Variants in ZNF516 observed in about 807,000 individuals in gnomAD.
ZNF516 encodes the protein zinc finger protein 516.
ZNF516 carries 19 observed loss-of-function variants against 79.7 expected under a neutral mutation model. That is an observed-to-expected ratio of 0.24 (90% CI 0.17 to 0.35). ZNF516 has a LOEUF of 0.35. Ranked by LOEUF, ZNF516 falls within the 10% of genes least tolerant of loss-of-function variation. The probability of loss-of-function intolerance (pLI) is 1.00; values close to 1 mark genes in which losing one functional copy is unlikely to be tolerated. For missense variants in ZNF516, 1,678 were observed against 1,679.5 expected (o/e 1.00, Z 0.02); for synonymous variants, 877 against 739.5 (o/e 1.19, Z -3.02).
At chr18:76,458,673 G>A (rs901130299) in intron 2 of ZNF516, among the ~76,000 whole-genome samples, 2 of 146,354 alleles carry the variant, frequency 1.4e-5, no homozygotes, top group Non-Finnish European at 3.0e-5. Flanking sequence ...CCTCACCGTC[G>A]TGTGTGCGTG....
chr18:76,369,789 A>G (rs1568231121), intron 6 of ZNF516, among the ~76,000 whole-genome samples: 1 of 152,226 alleles, frequency 6.6e-6, no homozygotes, highest in East Asian at 1.9e-4. Context: ...GAAAGCCAGA[A>G]TGTTACTTAG....
chr18:76,473,986 T>G (rs1432111033), intron 1 of ZNF516, among the ~76,000 whole-genome samples: 1 of 144,264 alleles, frequency 6.9e-6, no homozygotes, highest in Non-Finnish European at 1.5e-5. Flanking sequence ...GCTCAAGCAA[T>G]CCTCCTGCCT....
intron 3 of ZNF516, among the ~76,000 whole-genome samples, chr18:76,420,026 C>T (rs2075485585): frequency 6.6e-6 from 1 of 152,264 alleles, no homozygotes; most frequent in Non-Finnish European, 1.5e-5. Flanking sequence ...GAGGGAGCGA[C>T]TCCAGGTACC....
intron 4 of ZNF516, among the ~76,000 whole-genome samples, chr18:76,376,533 CAAAAA>C (rs10708911): frequency 7.5e-6 from 1 of 132,812 alleles, no homozygotes; most frequent in Admixed American, 7.3e-5. Context: ...CTCTCTCTTT[CAAAAA>C]AAAAAAAAAA....
At chr18:76,488,526 G>A (rs1914967638) in intron 1 of ZNF516, among the ~76,000 whole-genome samples, 1 of 141,972 alleles carries the variant, frequency 7.0e-6, no homozygotes, top group African/African-American at 3.1e-5. Flanking sequence ...ACTTTTGAGG[G>A]GGAGGGGGAG....
chr18:76,373,017 A>G (rs1426306), intron 4 of ZNF516: 77,003 of 152,296 alleles, frequency 0.51, 22,590 homozygotes, highest in East Asian at 0.67. Context: ...CAGGCGAGTG[A>G]TGCATGCCTA....
intron 3 of ZNF516, among the ~76,000 whole-genome samples, chr18:76,392,808 GGGAAAGGCAGGTAGTCAGGTGGGAAGCC>G (rs1242074398): frequency 7.7e-5 from 7 of 90,916 alleles, no homozygotes; most frequent in African/African-American, 4.8e-4. Context: ...GGCCAGGTGG[GGGAAAGGCAGGTAGTCAGGTGGGAAGCC>G]GGGAAGGCAG....
At chr18:76,481,807 A>T (rs3866685) in intron 1 of ZNF516, among the ~76,000 whole-genome samples, 6 of 152,094 alleles carry the variant, frequency 3.9e-5, no homozygotes, top group Admixed American at 1.3e-4. Flanking sequence ...ATTCAAGTTC[A>T]TAAGTCATTA....
At chr18:76,380,841 C>T (rs1024193065) in intron 3 of ZNF516, among the ~76,000 whole-genome samples, 2 of 152,202 alleles carry the variant, frequency 1.3e-5, no homozygotes, top group Non-Finnish European at 2.9e-5. Context: ...GGCTACCGAC[C>T]ACCTTCCGCC....
chr18:76,433,834 A>T (rs1489171099), intron 3 of ZNF516, among the ~76,000 whole-genome samples: 1 of 152,190 alleles, frequency 6.6e-6, no homozygotes, highest in Admixed American at 6.5e-5. Flanking sequence ...CAGAATCATC[A>T]GTCGGAATGA....
intron 2 of ZNF516, among the ~76,000 whole-genome samples, chr18:76,453,371 G>A (rs1226674246): frequency 6.6e-6 from 1 of 152,138 alleles, no homozygotes; most frequent in Non-Finnish European, 1.5e-5. Flanking sequence ...TGTGGTCACT[G>A]AGGGGCCGCT....
intron 3 of ZNF516, among the ~76,000 whole-genome samples, chr18:76,440,742 T>TTGTGTGTGTGTGTGTG (rs138856557): frequency 1.4e-4 from 21 of 150,050 alleles, no homozygotes; most frequent in African/African-American, 3.7e-4. Context: ...GTGTGTGTGT[T>TTGTGTGTGTGTGTGTG]TGTGTGTGTG....
chr18:76,363,397 G>A (rs1325774788), intron 6 of ZNF516, among the ~76,000 whole-genome samples: 1 of 152,182 alleles, frequency 6.6e-6, no homozygotes. Flanking sequence ...ATGGCGGAGT[G>A]GGGGAAGGTC....
At position 76,473,898 on chromosome 18, in the gene ZNF516, T is replaced by TTGTG. The variant is rs538095992; in HGVS notation, c.-271-10761_-271-10758dup. On this transcript the variant is annotated intron_variant, in intron 1 of 6. Coordinates refer to ENST00000443185, the MANE Select transcript of ZNF516 (RefSeq NM_014643.4). ...CCTAACACTGGGTTGTTGGTTGTTT[T>TTGTG]TGTGTGGGGGGGGGGGGGGCTTTCT... is the stretch of plus-strand genomic sequence containing the variant. 4.0e-3 allele frequency among the ~76,000 whole-genome samples: 111 copies of TTGTG among 27,900 alleles called. 9 individuals are homozygous for TTGTG. Among genetic ancestry groups the TTGTG allele is most frequent in the East Asian group, 0.026 (8 of 312 alleles). The allele number at this position is 27,900 out of a possible 152,430, so 18.3% of individuals were successfully genotyped here.
At position 76,466,574 on chromosome 18, in the gene ZNF516, C is replaced by T. The variant is rs116618228; in HGVS notation, c.-271-3433G>A. On this transcript the variant is annotated intron_variant, in intron 1 of 6. Transcript: ENST00000443185. ...CGGACCCAAGTGCTCTATGCAGGTG[C>T]CGGGGCCGCGCATCTCCAGGAGATC... Among the ~76,000 whole-genome samples, 1,141 of 152,338 alleles carry T rather than the reference C, an allele frequency of 7.5e-3. 12 individuals carry two copies. The highest frequency in any genetic ancestry group is 0.025 in the African/African-American group (1,043 of 41,574).
intron 1 of ZNF516, chr18:76,490,295 G>GC (rs1915091786): frequency 3.0e-6 from 2 of 677,328 alleles, no homozygotes; most frequent in South Asian, 1.3e-4. Context: ...CTAAGGGGGG[G>GC]CGAGGGGTTC....
intron 1 of ZNF516, among the ~76,000 whole-genome samples, chr18:76,482,623 A>T (rs368031036): frequency 6.6e-6 from 1 of 152,232 alleles, no homozygotes; most frequent in Non-Finnish European, 1.5e-5. Flanking sequence ...CGCATTTCCG[A>T]CTTAAAAGTA....
intron 3 of ZNF516, among the ~76,000 whole-genome samples, chr18:76,439,590 G>C (rs2075787497): frequency 1.3e-5 from 2 of 152,056 alleles, no homozygotes; most frequent in Admixed American, 1.3e-4. Flanking sequence ...CCTGAAAAAA[G>C]AGTACCTTCC....
At position 76,443,138 on chromosome 18, in the gene ZNF516, A is replaced by T. The variant is rs915135675; in HGVS notation, c.-84T>A. Reference sequence around the variant, plus strand: ...GACCGTCCTATCTCTCCATGGTCAGAAGAGCCAAAAGACGTGCCTGCTCCC... The same window carrying T: ...GACCGTCCTATCTCTCCATGGTCAGTAGAGCCAAAAGACGTGCCTGCTCCC... On this transcript the variant is annotated 5_prime_UTR_variant, in exon 3 of 7. Transcript: ENST00000443185. The T allele has an allele frequency of 5.5e-6, 8 of 1,467,396 alleles. No homozygotes were observed. The highest frequency in any genetic ancestry group is 5.4e-6 in the Non-Finnish European group (6 of 1,116,398). 90.9% of individuals were successfully genotyped at this position (1,467,396 alleles called of 1,614,324 possible).
Sources: gnomAD v4.1 joint callset for allele counts (sites outside exome capture counted in the v4.1 genomes callset) on GRCh38, gnomAD v4.1.1 for gene constraint, MANE v1.5 for transcripts, NCBI Gene and HGNC (gene_info 2026-07-23, HGNC 2026-07-21) for gene names.